Variants in NTM observed in about 807,000 individuals in gnomAD.
The protein encoded by NTM is IgLON family member 2.
A neutral mutation model predicts 42.1 loss-of-function variants in NTM; 13 were observed. That is an observed-to-expected ratio of 0.31 (90% CI 0.20 to 0.49). The LOEUF (loss-of-function observed/expected upper bound fraction) is 0.49, where lower values mean the gene tolerates loss of function less well. Ranked by LOEUF, NTM falls within the 20% of genes least tolerant of loss-of-function variation. The pLI, the probability that NTM is intolerant of heterozygous loss-of-function variation, is 0.99. For synonymous variants in NTM, 187 were observed against 179.2 expected (o/e 1.04, Z -0.35); for missense variants, 373 against 452.8 (o/e 0.82, Z 1.60).
chr11:132,101,555 CTTGT>C (rs147872013), intron 2 of NTM, among the ~76,000 whole-genome samples: 5 of 150,372 alleles, frequency 3.3e-5, no homozygotes, highest in East Asian at 2.0e-4. Flanking sequence ...GGAACACAAC[CTTGT>C]GTGTGTGTGT....
At chr11:132,306,641 C>G (rs949543600) in intron 4 of NTM, among the ~76,000 whole-genome samples, 5 of 152,142 alleles carry the variant, frequency 3.3e-5, no homozygotes, top group African/African-American at 9.7e-5. Context: ...CTAGGGACAG[C>G]CTTATGCCTG....
At chr11:131,581,125 C>T (rs1192712165) in intron 1 of NTM, among the ~76,000 whole-genome samples, 1 of 152,194 alleles carries the variant, frequency 6.6e-6, no homozygotes, top group African/African-American at 2.4e-5. Context: ...TTTTTCAAGT[C>T]TTCTTGGTCA....
At chr11:131,672,149 G>A (rs1448579301) in intron 1 of NTM, among the ~76,000 whole-genome samples, 5 of 152,230 alleles carry the variant, frequency 3.3e-5, no homozygotes, top group African/African-American at 1.2e-4. Context: ...TTCTTGGCAG[G>A]TGTGGGAGGA....
At chr11:131,855,465 T>C (rs2045997879) in intron 1 of NTM, among the ~76,000 whole-genome samples, 1 of 152,218 alleles carries the variant, frequency 6.6e-6, no homozygotes, top group African/African-American at 2.4e-5. Flanking sequence ...AGCTCAGATC[T>C]TACTCATTCC....
chr11:132,300,905 G>T (rs75514779), intron 4 of NTM, among the ~76,000 whole-genome samples: 58 of 152,184 alleles, frequency 3.8e-4, no homozygotes, highest in African/African-American at 1.4e-3. Context: ...CTGTTTTTGA[G>T]CCTTATTGTT....
chr11:131,529,307 G>C (rs1305868498), intron 1 of NTM, among the ~76,000 whole-genome samples: 1 of 152,106 alleles, frequency 6.6e-6, no homozygotes, highest in Admixed American at 6.5e-5. Flanking sequence ...TAGACTCTTA[G>C]ATAATTGATA....
At chr11:131,455,843 T>A (rs1316468849) in intron 1 of NTM, among the ~76,000 whole-genome samples, 1 of 152,196 alleles carries the variant, frequency 6.6e-6, no homozygotes, top group Non-Finnish European at 1.5e-5. Context: ...AATATAGAGA[T>A]GAATGTCTTA....
chr11:132,065,723 A>G (rs1220727879), intron 2 of NTM, among the ~76,000 whole-genome samples: 2 of 152,140 alleles, frequency 1.3e-5, no homozygotes, highest in East Asian at 3.9e-4. Flanking sequence ...CTACTTGCTT[A>G]CTTTCTGTTA....
chr11:132,162,132 A>C (rs1471314816), intron 3 of NTM, among the ~76,000 whole-genome samples: 3 of 151,640 alleles, frequency 2.0e-5, no homozygotes, highest in Admixed American at 6.6e-5. Flanking sequence ...AAGTGTGCAT[A>C]CTTTGTCCCT....
intron 4 of NTM, among the ~76,000 whole-genome samples, chr11:132,228,810 G>A (rs569628907): frequency 6.6e-6 from 1 of 152,036 alleles, no homozygotes; most frequent in Non-Finnish European, 1.5e-5. Context: ...TCTTGGTTTG[G>A]GTCACTCAGG....
chr11:131,411,719 G>T (rs768298406), intron 1 of NTM, among the ~76,000 whole-genome samples: 2 of 152,018 alleles, frequency 1.3e-5, no homozygotes, highest in Non-Finnish European at 2.9e-5. Context: ...TCCCCACATC[G>T]CAGTTGTACG....
At chr11:131,596,055 C>A (rs544530803) in intron 1 of NTM, among the ~76,000 whole-genome samples, 1 of 152,166 alleles carries the variant, frequency 6.6e-6, no homozygotes, top group Non-Finnish European at 1.5e-5. Flanking sequence ...ACAGTGTGAC[C>A]GGGACAGTGT....
intron 2 of NTM, among the ~76,000 whole-genome samples, chr11:131,962,501 G>T (rs1466812358): frequency 6.6e-6 from 1 of 152,190 alleles, no homozygotes; most frequent in Non-Finnish European, 1.5e-5. Context: ...TGTCCTCCCT[G>T]TGAGAACACA....
intron 1 of NTM, among the ~76,000 whole-genome samples, chr11:131,593,022 C>T (rs2059516344): frequency 6.6e-6 from 1 of 152,218 alleles, no homozygotes; most frequent in South Asian, 2.1e-4. Context: ...GTTCTCCCTG[C>T]ACACTCCCTT....
chr11:132,159,184 T>C (rs1566330519), intron 3 of NTM, among the ~76,000 whole-genome samples: 1 of 152,106 alleles, frequency 6.6e-6, no homozygotes, highest in Non-Finnish European at 1.5e-5. Context: ...GAGACCCCCC[T>C]CTCTCCTTGA....
At chr11:131,552,574 G>C (rs979883527) in intron 1 of NTM, among the ~76,000 whole-genome samples, 5 of 151,354 alleles carry the variant, frequency 3.3e-5, no homozygotes, top group Non-Finnish European at 7.4e-5. Flanking sequence ...CCAGCACTTT[G>C]GGAGGCTGAG....
At chr11:132,122,156 C>T (rs2064949982) in intron 2 of NTM, among the ~76,000 whole-genome samples, 2 of 152,158 alleles carry the variant, frequency 1.3e-5, no homozygotes, top group Admixed American at 1.3e-4. Flanking sequence ...CGGTGTGGGC[C>T]TTTGCTCCGA....
intron 1 of NTM, among the ~76,000 whole-genome samples, chr11:131,658,843 C>T (rs1238439673): frequency 6.6e-6 from 1 of 152,038 alleles, no homozygotes; most frequent in East Asian, 1.9e-4. Flanking sequence ...TGGTGGCAGG[C>T]ACCTGTAATC....
At chr11:131,693,010 G>A (rs1399472307) in intron 1 of NTM, among the ~76,000 whole-genome samples, 1 of 152,144 alleles carries the variant, frequency 6.6e-6, no homozygotes, top group Non-Finnish European at 1.5e-5. Context: ...TAGTAGTAAT[G>A]GCAGAGCAGG....
Sources: gnomAD v4.1 joint callset for allele counts (sites outside exome capture counted in the v4.1 genomes callset) on GRCh38, gnomAD v4.1.1 for gene constraint, MANE v1.5 for transcripts, NCBI Gene and HGNC (gene_info 2026-07-23, HGNC 2026-07-21) for gene names.